Variants in EIF5B observed in about 807,000 individuals in gnomAD.
EIF5B encodes the protein eukaryotic translation initiation factor 5B, also known as eIF-5B.
Under a neutral mutation model 147.5 loss-of-function variants are expected in EIF5B, and 47 were observed. That is an observed-to-expected ratio of 0.32 (90% CI 0.25 to 0.41). The LOEUF (loss-of-function observed/expected upper bound fraction) is 0.41, where lower values mean the gene tolerates loss of function less well. Ranked by LOEUF, EIF5B falls within the 10% of genes least tolerant of loss-of-function variation. EIF5B has a pLI of 1.00. For missense variants in EIF5B, 1,064 were observed against 1,413.2 expected (o/e 0.75, Z 3.96); for synonymous variants, 455 against 456.2 (o/e 1.00, Z 0.03).
At chr2:99,361,088 A>T (rs1325819842) in intron 3 of EIF5B, 60 bp from the exon 4 acceptor site, 1 of 1,342,626 alleles carries the variant, frequency 7.4e-7, no homozygotes, top group African/African-American at 1.5e-5. Flanking sequence ...TTAATGAAGC[A>T]CATGACTCTG....
intron 15 of EIF5B, 106 bp from the exon 16 acceptor site, chr2:99,390,113 A>C: frequency 1.5e-6 from 2 of 1,290,928 alleles, no homozygotes; most frequent in Admixed American, 2.0e-5. Flanking sequence ...GTTTATGAGG[A>C]GTTTCAAAAT....
At chr2:99,379,278 C>A (rs1367645214) in intron 11 of EIF5B, 40 bp from the exon 12 acceptor site, 3 of 1,542,962 alleles carry the variant, frequency 1.9e-6, no homozygotes, top group African/African-American at 2.8e-5. Flanking sequence ...CTATCTTTTC[C>A]ATGTTCAAAT....
chr2:99,382,631 A>G, intron 13 of EIF5B, 149 bp from the exon 14 acceptor site: 1 of 691,808 alleles, frequency 1.4e-6, no homozygotes, highest in Non-Finnish European at 2.2e-6. Context: ...TTGGTAGATG[A>G]GCCTTTGGCA....
chr2:99,375,998 A>G (rs911641932), intron 9 of EIF5B, among the ~76,000 whole-genome samples: 1 of 152,228 alleles, frequency 6.6e-6, no homozygotes, highest in African/African-American at 2.4e-5. Context: ...AAAAAATCTG[A>G]AACAGTTCTG....
At chr2:99,379,550 A>G (rs1674645729) in intron 12 of EIF5B, 122 bp downstream of exon 12, 2 of 687,710 alleles carry the variant, frequency 2.9e-6, no homozygotes, top group Non-Finnish European at 4.7e-6. Flanking sequence ...TTCAGAATTA[A>G]CATGTACTAT....
chr2:99,381,878 CACTT>C (rs1449216526), intron 12 of EIF5B, among the ~76,000 whole-genome samples: 4 of 152,068 alleles, frequency 2.6e-5, no homozygotes, highest in South Asian at 2.1e-4. Context: ...TTCGTATCAC[CACTT>C]ACTTAATAAT....
At chr2:99,372,686 G>A (rs1674477608) in intron 9 of EIF5B, among the ~76,000 whole-genome samples, 1 of 152,132 alleles carries the variant, frequency 6.6e-6, no homozygotes, top group African/African-American at 2.4e-5. Flanking sequence ...ATTGTCTTTT[G>A]TTACTTCATT....
At chr2:99,373,476 T>C (rs536925090) in intron 9 of EIF5B, among the ~76,000 whole-genome samples, 2 of 152,304 alleles carry the variant, frequency 1.3e-5, no homozygotes, top group East Asian at 3.9e-4. Context: ...GGCACTTTTC[T>C]GCGGGCGTGA....
rs1014689414 is a variant in EIF5B, at chr2:99,361,525, A to G, written c.624A>G (p.Pro208=). 2 of 1,613,892 alleles carry G rather than the reference A, an allele frequency of 1.2e-6. No homozygotes were observed. The highest frequency in any genetic ancestry group is 2.7e-5 in the African/African-American group (2 of 74,908). Residue 208 remains proline (P), a synonymous_variant, in exon 4 of 24, where the codon CCA becomes CCG. Coordinates refer to ENST00000289371, the MANE Select transcript of EIF5B (RefSeq NM_015904.4). ...KGQKKNQKNK[P]GPNIESGNED... is the part of the protein sequence containing the mutation. The stretch of plus-strand genomic sequence containing the variant: ...AGAAAAAAAATCAGAAAAACAAGCC[A>G]GGTCCTAACATAGAAAGTGGGAATG...
rs1322088774 is a variant in EIF5B at position 99,395,400 on chromosome 2, C to G, written c.3254+517C>G. Among the ~76,000 whole-genome samples the G allele has an allele frequency of 3.3e-5, 5 of 152,228 alleles. No individual in the cohort carries two copies. In the East Asian group the frequency reaches 9.6e-4, roughly 29 times the overall value. The stretch of plus-strand genomic sequence containing the variant: ...CCATGCTGCAGTACAGTGGCATGAT[C>G]ATGGGTCACCCCAACCTCTGCCTAC... On this transcript the variant is annotated intron_variant, in intron 21 of 23. Transcript: ENST00000289371.
chr2:99,352,417 A>G (rs960225479), intron 1 of EIF5B, among the ~76,000 whole-genome samples: 20 of 150,664 alleles, frequency 1.3e-4, no homozygotes, highest in African/African-American at 4.9e-4. Context: ...CTGGTATCCA[A>G]CTCCCAACCT....
intron 6 of EIF5B, among the ~76,000 whole-genome samples, chr2:99,366,802 C>G (rs1161383588): frequency 6.6e-6 from 1 of 152,120 alleles, no homozygotes; most frequent in African/African-American, 2.4e-5. Context: ...AAAAGGAGAA[C>G]AAACTTAGAA....
At position 99,379,111 on chromosome 2, in the gene EIF5B, A is replaced by C; in HGVS notation, c.1935A>C (p.Thr645=). Residue 645 remains threonine, a synonymous_variant, in exon 11 of 24, where the codon ACA becomes ACC. Transcript: ENST00000289371. ...CVLGHVDTGK[T]KILDKLRHTH... is the part of the protein sequence containing the mutation. The stretch of plus-strand genomic sequence containing the variant: ...TTGGGCATGTGGACACAGGGAAGAC[A>C]AAAATTCTAGATAAGGTAAGAAAGT... The C allele has an allele frequency of 6.2e-7, 1 of 1,603,008 alleles. No individual in the cohort carries two copies. The highest frequency in any genetic ancestry group is 8.5e-7 in the Non-Finnish European group (1 of 1,175,806).
In EIF5B at chr2:99,364,282, A is replaced by G; in HGVS notation, c.1149A>G (p.Glu383=). The G allele has an allele frequency of 6.3e-7, 1 of 1,598,128 alleles. No homozygotes were observed. The highest frequency in any genetic ancestry group is 8.5e-7 in the Non-Finnish European group (1 of 1,175,702). ...GTACTCTTTTATAGGAACGATTGGA[A>G]CAAGAAAAAAGAGAAAGGAAAAAGC... is the stretch of plus-strand genomic sequence containing the variant. ...EAKRKEEERL[E]QEKRERKKQK... The change falls in exon 6 of 24, where the codon GAA becomes GAG. Residue 383 remains glutamate, a synonymous_variant. Transcript: ENST00000289371.
In EIF5B at chr2:99,338,367, A is replaced by G. The variant is rs554354827; in HGVS notation, c.35+778A>G. The G allele has an allele frequency of 7.5e-4, 960 of 1,287,726 alleles. 1 individual carries two copies. The highest frequency in any genetic ancestry group is 9.5e-4 in the Non-Finnish European group (940 of 987,578). The allele number at this position is 1,287,726 out of a possible 1,614,324, so 79.8% of individuals were successfully genotyped here. ...GTGTCACATTCGATTGAGTTCTGTT[A>G]CTCATGATGGAAAGAGTTGACTTCC... On this transcript the variant is annotated intron_variant, in intron 1 of 23. Transcript: ENST00000289371.
In EIF5B at chr2:99,399,670, T is replaced by G; in HGVS notation, c.*256T>G. The G allele has an allele frequency of 2.6e-6, 1 of 379,650 alleles. No individual in the cohort carries two copies. The highest frequency in any genetic ancestry group is 4.9e-6 in the Non-Finnish European group (1 of 202,752). The allele number at this position is 379,650 out of a possible 1,614,324, so 23.5% of individuals were successfully genotyped here. On this transcript the variant is annotated 3_prime_UTR_variant, in exon 24 of 24. Transcript: ENST00000289371. ...CTCCCTTCCCCAACCCTTCTCTACT[T>G]GGCTGCTGTTTTAAAGTTTGCCCTT...
intron 14 of EIF5B, among the ~76,000 whole-genome samples, chr2:99,383,334 G>A (rs552912257): frequency 9.8e-5 from 15 of 152,298 alleles, no homozygotes; most frequent in Non-Finnish European, 2.1e-4. Context: ...AATACATGTT[G>A]TGAGTGCTCT....
Position 99,361,495 on chromosome 2 carries a change from A to G in EIF5B, c.594A>G (p.Lys198=). Residue 198 remains lysine, a synonymous_variant, in exon 4 of 24, where the codon AAA becomes AAG. Transcript: ENST00000289371. ...CAGATGAATTTTTGCAATCTAGAAA[A>G]GGACAGAAAAAAAATCAGAAAAACA... The part of the protein sequence containing the change: ...DESDEFLQSR[K]GQKKNQKNKP... 6.2e-7 allele frequency: 1 copy of G among 1,614,014 alleles called. No homozygotes were observed. The highest frequency in any genetic ancestry group is 8.5e-7 in the Non-Finnish European group (1 of 1,179,982).
At chr2:99,338,310 T>C (rs928788464) in intron 1 of EIF5B, 14 of 1,288,764 alleles carry the variant, frequency 1.1e-5, no homozygotes, top group Admixed American at 2.3e-5. Context: ...ATATGCGAGT[T>C]ACTTACCTAG....
Sources: allele counts gnomAD v4.1 joint callset (sites outside exome capture counted in the v4.1 genomes callset), GRCh38; gene constraint gnomAD v4.1.1; transcripts MANE v1.5; gene names NCBI Gene and HGNC (gene_info 2026-07-23, HGNC 2026-07-21).